Variants in REST observed in about 807,000 individuals in gnomAD.
The protein encoded by REST is RE1 silencing transcription factor.
Under a neutral mutation model 30.4 loss-of-function variants are expected in REST, and 1 was observed. The ratio of observed to expected loss-of-function variants is 0.03; its 90% CI spans 0.01 to 0.16. REST has a LOEUF of 0.16. Among genes scored for constraint, REST ranks in the 10% least tolerant of loss-of-function variants. The pLI, the probability that REST is intolerant of heterozygous loss-of-function variation, is 1.00. For synonymous variants in REST, 504 were observed against 451.1 expected, an observed-to-expected ratio of 1.12 and a Z score of -1.49; for missense variants, 1,259 against 1,329.5, an observed-to-expected ratio of 0.95 and a Z score of 0.82.
intron 2 of REST, among the ~76,000 whole-genome samples, chr4:56,912,285 A>G (rs1443060445): frequency 1.3e-5 from 2 of 150,992 alleles, no homozygotes; most frequent in East Asian, 2.0e-4. Flanking sequence ...TCAGACAATT[A>G]TGTTTAGGGT....
At chr4:56,917,767 T>TC (rs1720269973) in intron 2 of REST, among the ~76,000 whole-genome samples, 1 of 152,166 alleles carries the variant, frequency 6.6e-6, no homozygotes, top group East Asian at 1.9e-4. Context: ...TAAAAGCTTG[T>TC]TTTGCCGGGT....
chr4:56,920,934 C>T (rs751562853), intron 3 of REST, among the ~76,000 whole-genome samples: 14 of 152,066 alleles, frequency 9.2e-5, no homozygotes, highest in Non-Finnish European at 2.1e-4. Flanking sequence ...AGTGCGATCT[C>T]AGCTCACCGC....
intron 2 of REST, among the ~76,000 whole-genome samples, chr4:56,915,855 A>G (rs1212620338): frequency 6.6e-6 from 1 of 152,166 alleles, no homozygotes; most frequent in Admixed American, 6.5e-5. Context: ...ATTGAGGAAA[A>G]TAGCATCTGT....
intron 2 of REST, among the ~76,000 whole-genome samples, chr4:56,915,109 G>A (rs1465779250): frequency 6.6e-6 from 1 of 151,104 alleles, no homozygotes; most frequent in Non-Finnish European, 1.5e-5. Context: ...TTTTAGTAGA[G>A]ACAAGGTTTC....
chr4:56,932,415 A>G lies in REST; in HGVS notation c.*263A>G, dbSNP rs572986400. The G allele has an allele frequency of 3.2e-6, 1 of 316,436 alleles. No homozygotes were observed. The highest frequency in any genetic ancestry group is 5.5e-5 in the East Asian group (1 of 18,336). 19.6% of individuals were successfully genotyped at this position (316,436 alleles called of 1,614,324 possible). A position where few individuals can be genotyped will look rare whatever the true frequency, so the allele number is the denominator to read the frequency against. On this transcript the variant is annotated 3_prime_UTR_variant, in exon 4 of 4. Transcript: ENST00000309042. ...AATTAGAAGGCTAAGATGGTATAAC[A>G]GCATTTTATTGCTTTGTCCAGCTAC... is the stretch of plus-strand genomic sequence containing the variant.
chr4:56,923,540 T>G (rs2109555481), intron 3 of REST, among the ~76,000 whole-genome samples: 1 of 151,830 alleles, frequency 6.6e-6, no homozygotes, highest in South Asian at 2.1e-4. Flanking sequence ...ACCTCCCGGG[T>G]TCAAGCTATA....
chr4:56,909,427 C>T (rs1463268557), intron 1 of REST: 1 of 152,246 alleles, frequency 6.6e-6, no homozygotes, highest in Non-Finnish European at 1.5e-5. Context: ...GACGGTCTTC[C>T]TAACAATCGT....
chr4:56,927,433 A>G (rs1720763949), intron 3 of REST, among the ~76,000 whole-genome samples: 1 of 152,232 alleles, frequency 6.6e-6, no homozygotes, highest in African/African-American at 2.4e-5. Flanking sequence ...GGATAAGGTG[A>G]TTATTTTATC....
intron 3 of REST, among the ~76,000 whole-genome samples, chr4:56,924,725 A>C: frequency 6.6e-6 from 1 of 152,058 alleles, no homozygotes; most frequent in Non-Finnish European, 1.5e-5. Context: ...ACCCTACCAA[A>C]GTGCTAGGAG....
At position 56,931,184 on chromosome 4, in the gene REST, C is replaced by G. The variant is rs61748756; in HGVS notation, c.2326C>G (p.Pro776Ala). The G allele has an allele frequency of 0.016, 25,726 of 1,614,050 alleles. 250 individuals are homozygous for G. Among genetic ancestry groups the G allele is most frequent in the Non-Finnish European group, 0.019 (22,707 of 1,179,958 alleles). The change falls in exon 4 of 4, where the codon CCT (proline) becomes GCT (alanine). Residue 776 changes from proline to alanine, a missense_variant. Physicochemically the swap from Pro to Ala is conservative, Grantham distance 27. Transcript: ENST00000309042. ...TCCCATAGAGGTGGTCCAGAAGGAG[C>G]CTGTTCAGATGGAGTTGTCTCCTCC... The part of the protein sequence containing the change: ...SPPIEVVQKE[P>A]VQMELSPPMG...
intron 2 of REST, among the ~76,000 whole-genome samples, chr4:56,915,341 G>T (rs997457233): frequency 6.7e-6 from 1 of 149,592 alleles, no homozygotes; most frequent in African/African-American, 2.5e-5. Flanking sequence ...TGCCTCCAGG[G>T]CTTAAGTGAT....
intron 1 of REST, among the ~76,000 whole-genome samples, chr4:56,908,415 C>A (rs1719721214): frequency 6.6e-6 from 1 of 151,776 alleles, no homozygotes; most frequent in African/African-American, 2.4e-5. Flanking sequence ...ACAGCAGCCG[C>A]CCGGGGGCTG....
chr4:56,928,385 G>T (rs1720804685), intron 3 of REST, among the ~76,000 whole-genome samples: 1 of 152,074 alleles, frequency 6.6e-6, no homozygotes, highest in Admixed American at 6.6e-5. Context: ...GGGATTACAG[G>T]TGTGAGCCAC....
At position 56,933,847 on chromosome 4, in the gene REST, T is replaced by C. The variant is rs867530596; in HGVS notation, c.*1695T>C. ...ATACTCCGTTTTGAAATAACCACTTTATATTTCATTTTTTAAAAATCTGAT... is the reference window on the plus strand; with the variant it reads ...ATACTCCGTTTTGAAATAACCACTTCATATTTCATTTTTTAAAAATCTGAT... On this transcript the variant is annotated 3_prime_UTR_variant, in exon 4 of 4. Coordinates refer to ENST00000309042, the MANE Select transcript of REST (RefSeq NM_005612.5). The C allele has an allele frequency of 2.6e-5, 4 of 152,240 alleles. No homozygotes were observed. Among genetic ancestry groups the C allele is most frequent in the African/African-American group, 7.2e-5 (3 of 41,470 alleles). The allele number at this position is 152,240 out of a possible 1,614,324, so 9.4% of individuals were successfully genotyped here. A position where few individuals can be genotyped will look rare whatever the true frequency, so the allele number is the denominator to read the frequency against.
intron 2 of REST, among the ~76,000 whole-genome samples, chr4:56,918,192 T>G (rs934454152): frequency 2.6e-5 from 4 of 151,976 alleles, no homozygotes; most frequent in African/African-American, 9.7e-5. Context: ...TTATAATTTG[T>G]TTTAAAAATT....
At chr4:56,910,086 A>G (rs890567384) in intron 1 of REST, among the ~76,000 whole-genome samples, 1 of 152,046 alleles carries the variant, frequency 6.6e-6, no homozygotes, top group African/African-American at 2.4e-5. Flanking sequence ...ATTCTTTTGG[A>G]GTTAGTTGAG....
chr4:56,922,799 C>T (rs1486938193), intron 3 of REST, among the ~76,000 whole-genome samples: 1 of 152,132 alleles, frequency 6.6e-6, no homozygotes, highest in Non-Finnish European at 1.5e-5. Context: ...AGCTTTTCTT[C>T]TGTCCTTTGT....
At position 56,931,182 on chromosome 4, in the gene REST, A is replaced by G. The variant is rs765650440; in HGVS notation, c.2324A>G (p.Glu775Gly). ...CCTCCCATAGAGGTGGTCCAGAAGG[A>G]GCCTGTTCAGATGGAGTTGTCTCCT... The part of the protein sequence containing the change: ...LSPPIEVVQK[E>G]PVQMELSPPM... Residue 775 changes from glutamate (E) to glycine (G), a missense_variant, in exon 4 of 4, where the codon GAG (glutamate) becomes GGG (glycine). Physicochemically the swap from Glu to Gly is moderately conservative, Grantham distance 98. This residue lies in a region of REST where 856 missense variants were observed against 772.8 expected (regional missense o/e 1.11). Coordinates refer to ENST00000309042, the MANE Select transcript of REST (RefSeq NM_005612.5). 6.2e-7 allele frequency: 1 copy of G among 1,613,758 alleles called. No homozygotes were observed. Among genetic ancestry groups the G allele is most frequent in the Non-Finnish European group, 8.5e-7 (1 of 1,179,910 alleles).
intron 2 of REST, among the ~76,000 whole-genome samples, chr4:56,915,044 C>T (rs1720124140): frequency 6.6e-6 from 1 of 150,950 alleles, no homozygotes; most frequent in South Asian, 2.1e-4. Flanking sequence ...CCTGCCTCAG[C>T]CTCCTGAGTA....
Sources: allele counts gnomAD v4.1 joint callset (sites outside exome capture counted in the v4.1 genomes callset), GRCh38; gene constraint gnomAD v4.1.1; regional missense constraint gnomAD v4.1.1; transcripts MANE v1.5; gene names NCBI Gene and HGNC (gene_info 2026-07-23, HGNC 2026-07-21).